CFAP77: variants seen among roughly 807,000 people sequenced by gnomAD.
CFAP77 encodes cilia- and flagella-associated protein 77.
In CFAP77, 25 loss-of-function variants were observed where a neutral mutation model predicts 31.1. That is an observed-to-expected ratio of 0.80 (90% CI 0.59 to 1.12). The LOEUF is 1.12. Among genes scored for constraint, CFAP77 ranks in the 50% most tolerant of loss-of-function variants. The pLI, the probability that CFAP77 is intolerant of heterozygous loss-of-function variation, is 0.00. For synonymous variants in CFAP77, 151 were observed against 159.9 expected (o/e 0.94, Z 0.42); for missense variants, 377 against 397.3 (o/e 0.95, Z 0.44).
chr9:132,438,242 A>G (rs1277865109), intron 1 of CFAP77, among the ~76,000 whole-genome samples: 1 of 150,858 alleles, frequency 6.6e-6, no homozygotes, highest in Non-Finnish European at 1.5e-5. Context: ...AATAATTAGA[A>G]AGTGATGACT....
intron 3 of CFAP77, among the ~76,000 whole-genome samples, chr9:132,531,737 G>A (rs923001561): frequency 6.6e-6 from 1 of 151,944 alleles, no homozygotes; most frequent in Non-Finnish European, 1.5e-5. Flanking sequence ...AAGGTAATGC[G>A]CCCCAGCAGA....
chr9:132,465,711 C>T (rs563847638), intron 1 of CFAP77, among the ~76,000 whole-genome samples: 35 of 152,336 alleles, frequency 2.3e-4, no homozygotes, highest in African/African-American at 8.2e-4. Context: ...TTAAAATAGA[C>T]TACCCATAAC....
intron 3 of CFAP77, among the ~76,000 whole-genome samples, chr9:132,500,392 C>T (rs2118966777): frequency 6.6e-6 from 1 of 152,306 alleles, no homozygotes; most frequent in Middle Eastern, 3.4e-3. Flanking sequence ...TGACGTAATG[C>T]ATATAAAAAC....
chr9:132,551,520 T>C (rs1011149828), intron 5 of CFAP77, among the ~76,000 whole-genome samples: 1 of 152,236 alleles, frequency 6.6e-6, no homozygotes, highest in African/African-American at 2.4e-5. Flanking sequence ...GGTCTCGAAC[T>C]CCTGGCCTCC....
At chr9:132,453,342 C>T (rs1345983174) in intron 1 of CFAP77, among the ~76,000 whole-genome samples, 2 of 148,936 alleles carry the variant, frequency 1.3e-5, no homozygotes, top group Non-Finnish European at 3.0e-5. Flanking sequence ...CTGGGCAACA[C>T]GGTGAAACTC....
At chr9:132,462,523 C>T (rs1382692247) in intron 1 of CFAP77, among the ~76,000 whole-genome samples, 3 of 152,178 alleles carry the variant, frequency 2.0e-5, no homozygotes, top group African/African-American at 7.2e-5. Flanking sequence ...TCTATCATCT[C>T]CAGGTTTTCA....
intron 3 of CFAP77, among the ~76,000 whole-genome samples, chr9:132,510,434 A>G (rs1589895843): frequency 6.6e-6 from 1 of 152,154 alleles, no homozygotes; most frequent in East Asian, 1.9e-4. Flanking sequence ...AGGGGCTGCT[A>G]GGGTGAGGTT....
At chr9:132,486,513 C>G (rs2118923035) in intron 1 of CFAP77, among the ~76,000 whole-genome samples, 1 of 152,276 alleles carries the variant, frequency 6.6e-6, no homozygotes, top group East Asian at 1.9e-4. Flanking sequence ...AGTGACCTGG[C>G]TCTGTTCGTA....
At chr9:132,560,377 G>A (rs980513617) in intron 5 of CFAP77, among the ~76,000 whole-genome samples, 4 of 152,154 alleles carry the variant, frequency 2.6e-5, no homozygotes, top group Non-Finnish European at 5.9e-5. Flanking sequence ...AAGAAGCTTA[G>A]GAGCTGACCT....
At chr9:132,482,926 C>T (rs1430759168) in intron 1 of CFAP77, among the ~76,000 whole-genome samples, 1 of 145,328 alleles carries the variant, frequency 6.9e-6, no homozygotes, top group East Asian at 2.0e-4. Context: ...ACATTGTGCA[C>T]ATGTACCCTA....
chr9:132,510,031 C>A (rs559478257), intron 3 of CFAP77, among the ~76,000 whole-genome samples: 1 of 152,160 alleles, frequency 6.6e-6, no homozygotes, highest in African/African-American at 2.4e-5. Flanking sequence ...TCCTGTGGCC[C>A]GGACAGAGAT....
chr9:132,515,176 C>A lies in CFAP77; in HGVS notation c.524+15576C>A, dbSNP rs369356442. The stretch of plus-strand genomic sequence containing the variant: ...CCCCAGGCCCAGAAAGCCAGAATGT[C>A]TGGGGGTGGAAGGTGACATCTCTAC... On this transcript the variant is annotated intron_variant, in intron 3 of 5. Coordinates refer to ENST00000393216, the MANE Select transcript of CFAP77 (RefSeq NM_001282957.2). Among the ~76,000 whole-genome samples the A allele has an allele frequency of 3.9e-5, 6 of 152,338 alleles. No homozygotes were observed. The East Asian group carries it at 9.7e-4, about 25-fold the overall frequency.
intron 5 of CFAP77, among the ~76,000 whole-genome samples, chr9:132,549,487 A>C (rs1279931838): frequency 2.6e-5 from 4 of 152,198 alleles, no homozygotes; most frequent in African/African-American, 9.6e-5. Context: ...GTAAATACAG[A>C]TACCCCCCAT....
chr9:132,558,330 C>A (rs1333494756), intron 5 of CFAP77, among the ~76,000 whole-genome samples: 4 of 152,154 alleles, frequency 2.6e-5, no homozygotes, highest in Non-Finnish European at 5.9e-5. Context: ...AAAAGACAAC[C>A]AGCAGAATGG....
intron 5 of CFAP77, among the ~76,000 whole-genome samples, chr9:132,560,103 G>A (rs1365704815): frequency 2.0e-5 from 3 of 152,196 alleles, no homozygotes; most frequent in Non-Finnish European, 4.4e-5. Flanking sequence ...AGGGTGTGGA[G>A]GTGGGTTGTA....
At chr9:132,493,722 C>T (rs897402980) in intron 1 of CFAP77, among the ~76,000 whole-genome samples, 23 of 152,346 alleles carry the variant, frequency 1.5e-4, no homozygotes, top group Middle Eastern at 3.4e-3. Flanking sequence ...TGGCTGCATC[C>T]GCATGGAGGA....
At chr9:132,485,148 G>A (rs1818065183) in intron 1 of CFAP77, among the ~76,000 whole-genome samples, 1 of 152,156 alleles carries the variant, frequency 6.6e-6, no homozygotes, top group Admixed American at 6.5e-5. Context: ...TGTATAACTA[G>A]TTCTCTATTC....
intron 1 of CFAP77, among the ~76,000 whole-genome samples, chr9:132,439,527 T>C (rs979515147): frequency 6.6e-6 from 1 of 152,142 alleles, no homozygotes; most frequent in African/African-American, 2.4e-5. Context: ...GCTGCTGTTA[T>C]AGTTTCAGCT....
chr9:132,497,195 G>C lies in CFAP77; in HGVS notation c.196-1500G>C, dbSNP rs1851758593. Among the ~76,000 whole-genome samples the C allele has an allele frequency of 2.6e-5, 4 of 152,188 alleles. No homozygotes were observed. Among genetic ancestry groups the C allele is most frequent in the Admixed American group, 2.6e-4 (4 of 15,284 alleles). On this transcript the variant is annotated intron_variant, in intron 1 of 5. Transcript: ENST00000393216. The surrounding 1 kb of genome is among the most constrained non-coding windows in gnomAD (Gnocchi z 4.9). ...AAAGCTGCAGGGCTGGGTGGGGTTG[G>C]AGGGTGCAGGGCCTGGACTGCCAGC... is the stretch of plus-strand genomic sequence containing the variant.
Sources: allele counts gnomAD v4.1 joint callset (sites outside exome capture counted in the v4.1 genomes callset), GRCh38; gene constraint gnomAD v4.1.1; non-coding constraint Gnocchi (gnomAD v3.1); transcripts MANE v1.5; gene names NCBI Gene and HGNC (gene_info 2026-07-23, HGNC 2026-07-21).